The following TMEM182 variants were observed in gnomAD, a reference collection of about 807,000 sequenced individuals.
TMEM182 encodes transmembrane protein 182.
TMEM182 carries 20 observed loss-of-function variants against 26.8 expected under a neutral mutation model. That is an observed-to-expected ratio of 0.75 (90% CI 0.53 to 1.09). The LOEUF (loss-of-function observed/expected upper bound fraction) is 1.09. TMEM182 is among the 50% of genes least tolerant of loss of function. The pLI is 0.00. For synonymous variants in TMEM182, 109 were observed against 102.2 expected, an observed-to-expected ratio of 1.07 and a Z score of -0.40; for missense variants, 277 against 275.5, an observed-to-expected ratio of 1.01 and a Z score of -0.04.
At chr2:102,783,366 G>A (rs1311954335) in intron 3 of TMEM182, among the ~76,000 whole-genome samples, 2 of 152,156 alleles carry the variant, frequency 1.3e-5, no homozygotes, top group African/African-American at 4.8e-5. Context: ...TACATGCTGG[G>A]ACTCTAAGCA....
chr2:102,762,122 CTTTT>C lies in TMEM182; in HGVS notation c.-83_-80del, dbSNP rs5833037. 1,905 of 733,062 alleles carry C rather than the reference CTTTT, an allele frequency of 2.6e-3. No homozygotes were observed. The highest frequency in any genetic ancestry group is 2.8e-3 in the Non-Finnish European group (1,347 of 479,958). 45.4% of individuals were successfully genotyped at this position (733,062 alleles called of 1,614,324 possible). ...ATTCTGCCAACTCAAAAATATTATT[CTTTT>C]TTTTTTTTTTTTGCTGTTGTTTCTG... On this transcript the variant is annotated 5_prime_UTR_variant, in exon 1 of 5. Coordinates refer to ENST00000412401, the MANE Select transcript of TMEM182 (RefSeq NM_144632.5).
chr2:102,787,908 G>GA (rs1681465478), intron 3 of TMEM182, among the ~76,000 whole-genome samples: 1 of 152,190 alleles, frequency 6.6e-6, no homozygotes, highest in Admixed American at 6.5e-5. Flanking sequence ...ACAGAGGAAA[G>GA]AACACATGTG....
chr2:102,815,895 G>A lies in TMEM182; in HGVS notation c.*927G>A, dbSNP rs145270982. On this transcript the variant is annotated 3_prime_UTR_variant, in exon 5 of 5. Coordinates refer to ENST00000412401, the MANE Select transcript of TMEM182 (RefSeq NM_144632.5). Reference sequence around the variant, plus strand: ...AACTTTCAACGTACTTCCATATGAGGATTATAATAGCCCTGCTTTATTAAA... The same window carrying A: ...AACTTTCAACGTACTTCCATATGAGAATTATAATAGCCCTGCTTTATTAAA... 117 of 941,940 alleles carry A rather than the reference G, an allele frequency of 1.2e-4. 2 individuals are homozygous for A. In the East Asian group the frequency reaches 3.6e-3, roughly 29 times the overall value. 58.3% of individuals were successfully genotyped at this position (941,940 alleles called of 1,614,324 possible). A position where few individuals can be genotyped will look rare whatever the true frequency, so the allele number is the denominator to read the frequency against.
At chr2:102,798,131 G>A in intron 4 of TMEM182, 131 bp downstream of exon 4, 7 of 1,170,952 alleles carry the variant, frequency 6.0e-6, no homozygotes, top group Non-Finnish European at 7.1e-6. Flanking sequence ...AATACTTCTT[G>A]AACACTAACT....
intron 1 of TMEM182, among the ~76,000 whole-genome samples, chr2:102,737,686 G>T (rs1379586669): frequency 6.6e-6 from 1 of 152,158 alleles, no homozygotes; most frequent in African/African-American, 2.4e-5. Flanking sequence ...GAGATTTGGG[G>T]TTTATTCTGA....
At chr2:102,803,033 C>T (rs933417798) in intron 4 of TMEM182, among the ~76,000 whole-genome samples, 2 of 152,176 alleles carry the variant, frequency 1.3e-5, no homozygotes, top group African/African-American at 4.8e-5. Context: ...GGTGAGACTA[C>T]CTAGACGTCT....
downstream of TMEM182, among the ~76,000 whole-genome samples, chr2:102,822,594 G>T (rs1682944072): frequency 6.6e-6 from 1 of 152,142 alleles, no homozygotes; most frequent in Non-Finnish European, 1.5e-5. Context: ...GGAAAAGGTT[G>T]TTGTGCAACT....
chr2:102,756,354 G>A (rs1470300721), intron 1 of TMEM182, among the ~76,000 whole-genome samples: 2 of 152,118 alleles, frequency 1.3e-5, no homozygotes, highest in South Asian at 2.1e-4. Flanking sequence ...TTTGACACAC[G>A]TCATCTTACC....
chr2:102,760,649 T>G (rs1376617364), upstream of TMEM182, among the ~76,000 whole-genome samples: 1 of 152,148 alleles, frequency 6.6e-6, no homozygotes, highest in African/African-American at 2.4e-5. Context: ...AGTTTTGCTC[T>G]TGTTGCCCAG....
chr2:102,782,643 C>T (rs548927258), intron 3 of TMEM182, among the ~76,000 whole-genome samples: 3 of 152,104 alleles, frequency 2.0e-5, no homozygotes, highest in African/African-American at 4.8e-5. Context: ...ACCCAAAGAT[C>T]GGCGAGCTGC....
chr2:102,746,641 TG>T (rs1679707427), intron 1 of TMEM182, among the ~76,000 whole-genome samples: 2 of 152,150 alleles, frequency 1.3e-5, no homozygotes, highest in African/African-American at 4.8e-5. Context: ...TCACCCAGGC[TG>T]GAGTGCAATG....
intron 3 of TMEM182, among the ~76,000 whole-genome samples, chr2:102,837,487 G>A (rs1239195328): frequency 7.2e-6 from 1 of 139,260 alleles, no homozygotes; most frequent in Non-Finnish European, 1.5e-5. Context: ...AGAGTTGAGG[G>A]AATAGGCCAG....
chr2:102,781,958 T>A (rs1278904805), intron 3 of TMEM182, among the ~76,000 whole-genome samples: 2 of 152,148 alleles, frequency 1.3e-5, no homozygotes, highest in African/African-American at 4.8e-5. Context: ...ACCATAGTAA[T>A]TTCATCAGAC....
At chr2:102,770,960 A>C (rs1308341642) in intron 3 of TMEM182, among the ~76,000 whole-genome samples, 1 of 152,208 alleles carries the variant, frequency 6.6e-6, no homozygotes, top group East Asian at 1.9e-4. Context: ...GAGGCACATC[A>C]ACCTGTTGTA....
chr2:102,809,954 TG>T (rs371194231), intron 4 of TMEM182, among the ~76,000 whole-genome samples: 17 of 152,338 alleles, frequency 1.1e-4, no homozygotes, highest in African/African-American at 4.1e-4. Context: ...TGCATTTGTG[TG>T]GAAGCATGAC....
At chr2:102,795,728 T>C (rs945679227) in intron 3 of TMEM182, among the ~76,000 whole-genome samples, 8 of 152,166 alleles carry the variant, frequency 5.3e-5, no homozygotes, top group African/African-American at 1.7e-4. Context: ...TAGAGTCTTT[T>C]CTTTAGCTCT....
intron 4 of TMEM182, among the ~76,000 whole-genome samples, chr2:102,801,937 T>A (rs187985552): frequency 1.2e-4 from 19 of 152,216 alleles, no homozygotes; most frequent in Non-Finnish European, 2.6e-4. Context: ...TGTTTGTGTA[T>A]GACCATTTGT....
intron 1 of TMEM182, among the ~76,000 whole-genome samples, chr2:102,746,665 C>T (rs920415301): frequency 6.6e-6 from 1 of 152,096 alleles, no homozygotes; most frequent in Non-Finnish European, 1.5e-5. Flanking sequence ...GCGATCGTGG[C>T]TCACTGAACC....
intron 3 of TMEM182, among the ~76,000 whole-genome samples, chr2:102,770,197 G>A (rs1339955543): frequency 6.6e-6 from 1 of 152,188 alleles, no homozygotes; most frequent in East Asian, 1.9e-4. Context: ...GCAGTCTGGT[G>A]CATTTTCTTG....
Sources: allele counts gnomAD v4.1 joint callset (sites outside exome capture counted in the v4.1 genomes callset), GRCh38; gene constraint gnomAD v4.1.1; transcripts MANE v1.5; gene names NCBI Gene and HGNC (gene_info 2026-07-23, HGNC 2026-07-21).